The following MCTP2 variants were observed in gnomAD, a reference collection of about 807,000 sequenced individuals.
MCTP2 encodes the protein multiple C2 and transmembrane domain-containing protein 2.
Under a neutral mutation model 111.6 loss-of-function variants are expected in MCTP2, and 132 were observed. The ratio of observed to expected loss-of-function variants is 1.18; its 90% CI spans 1.03 to 1.37. MCTP2 has a LOEUF of 1.37. Among genes scored for constraint, MCTP2 ranks in the 40% most tolerant of loss-of-function variants. The pLI is 0.00. For synonymous variants in MCTP2, 395 were observed against 387.7 expected, an observed-to-expected ratio of 1.02 and a Z score of -0.22; for missense variants, 1,183 against 1,067.9, an observed-to-expected ratio of 1.11 and a Z score of -1.50.
At position 94,314,624 on chromosome 15, in the gene MCTP2, C is replaced by T. The variant is rs1596334294; in HGVS notation, c.528+280C>T. The T allele has an allele frequency of 2.5e-5, 13 of 525,612 alleles. No homozygotes were observed. The East Asian group carries it at 5.0e-4, about 20-fold the overall frequency. The allele number at this position is 525,612 out of a possible 1,614,324, so 32.6% of individuals were successfully genotyped here. ...AAAGCCAGTTTGAAGTGCTTTGAAA[C>T]TTTCAAAAGAAGGCTGTCAAGGGTG... On this transcript the variant is annotated intron_variant, in intron 3 of 22. Transcript: ENST00000357742.
chr15:94,324,133 C>A (rs1224039024), intron 4 of MCTP2, among the ~76,000 whole-genome samples: 1 of 152,184 alleles, frequency 6.6e-6, no homozygotes, highest in Admixed American at 6.5e-5. Flanking sequence ...AACCCTGGGT[C>A]CATTTCCCAT....
intron 20 of MCTP2, among the ~76,000 whole-genome samples, chr15:94,468,679 G>A (rs2073632832): frequency 6.6e-6 from 1 of 152,162 alleles, no homozygotes; most frequent in Admixed American, 6.5e-5. Context: ...CTGTTGCCCA[G>A]GCTGGAGTGC....
At chr15:94,232,519 A>G (rs2070253180) in intron 1 of MCTP2, among the ~76,000 whole-genome samples, 1 of 152,184 alleles carries the variant, frequency 6.6e-6, no homozygotes. Flanking sequence ...ATGGATTATA[A>G]TTTACATTAG....
chr15:94,417,756 C>G (rs2082440514), intron 17 of MCTP2, among the ~76,000 whole-genome samples: 1 of 152,076 alleles, frequency 6.6e-6, no homozygotes, highest in Admixed American at 6.6e-5. Context: ...GGTAGTCTAT[C>G]TGAGTAACGG....
Position 94,345,121 on chromosome 15 carries a change from A to G in MCTP2, c.970-8A>G, listed in dbSNP as rs774184065. ...CATTTTCACCATTCCGCGGACACAA[A>G]TCTTTAGCGTTGGTCAAATCGGAAG... is the stretch of plus-strand genomic sequence containing the variant. On this transcript the variant is annotated splice_polypyrimidine_tract_variant and splice_region_variant and intron_variant, in intron 7 of 22. Transcript: ENST00000357742. 2.5e-6 allele frequency: 4 copies of G among 1,612,328 alleles called. No homozygotes were observed. In the South Asian group the frequency reaches 4.4e-5, roughly 18 times the overall value.
chr15:94,275,731 C>T (rs1157166927), intron 1 of MCTP2, among the ~76,000 whole-genome samples: 1 of 151,612 alleles, frequency 6.6e-6, no homozygotes, highest in Non-Finnish European at 1.5e-5. Flanking sequence ...TTTAACCTTT[C>T]TTAAATCAAC....
At chr15:94,470,906 G>T (rs1006704198) in intron 21 of MCTP2, among the ~76,000 whole-genome samples, 2 of 152,150 alleles carry the variant, frequency 1.3e-5, no homozygotes, top group Non-Finnish European at 2.9e-5. Context: ...AAATCCAGAA[G>T]CAGGGAGAGG....
Position 94,481,447 on chromosome 15 carries a change from A to C in MCTP2, c.*2413A>C, listed in dbSNP as rs1417756199. On this transcript the variant is annotated 3_prime_UTR_variant, in exon 23 of 23. Coordinates refer to ENST00000357742, the MANE Select transcript of MCTP2 (RefSeq NM_001385001.1). ...CTAGTAGGTCCAGTGTCAATGCATTAACCACTTCTGTTCTGATTTCCACCA... is the reference window on the plus strand; with the variant it reads ...CTAGTAGGTCCAGTGTCAATGCATTCACCACTTCTGTTCTGATTTCCACCA... 1 of 152,166 alleles carries C rather than the reference A, an allele frequency of 6.6e-6. No individual in the cohort carries two copies. Among genetic ancestry groups the C allele is most frequent in the East Asian group, 1.9e-4 (1 of 5,190 alleles). The allele number at this position is 152,166 out of a possible 1,614,324, so 9.4% of individuals were successfully genotyped here.
chr15:94,444,272 C>T (rs1448699949), intron 19 of MCTP2, among the ~76,000 whole-genome samples: 2 of 152,240 alleles, frequency 1.3e-5, no homozygotes, highest in African/African-American at 4.8e-5. Flanking sequence ...CTTCCACGCC[C>T]TCTCTGGGCA....
intron 1 of MCTP2, among the ~76,000 whole-genome samples, chr15:94,246,264 C>T (rs1368522627): frequency 1.3e-5 from 2 of 152,112 alleles, no homozygotes; most frequent in Admixed American, 6.5e-5. Flanking sequence ...GGAGCTGAGC[C>T]AATGGTCCTG....
At chr15:94,248,451 C>T (rs984872606) in intron 1 of MCTP2, among the ~76,000 whole-genome samples, 1 of 152,174 alleles carries the variant, frequency 6.6e-6, no homozygotes, top group Non-Finnish European at 1.5e-5. Context: ...GAACTTTGCT[C>T]CCAATGAGAG....
rs1367841377 is a variant in MCTP2, at chr15:94,243,111, G to A, written c.-66+11447G>A. ...TATACGTGTATATGTGTATCTACGG[G>A]TGTGTATATATGTATCTACGGGTGT... On this transcript the variant is annotated intron_variant, in intron 1 of 22. Coordinates refer to ENST00000357742, the MANE Select transcript of MCTP2 (RefSeq NM_001385001.1). Among the ~76,000 whole-genome samples the A allele has an allele frequency of 2.8e-5, 4 of 141,528 alleles. 1 individual carries two copies. The South Asian group carries it at 6.7e-4, about 24-fold the overall frequency. The allele number at this position is 141,528 out of a possible 152,430, so 92.8% of individuals were successfully genotyped here.
At chr15:94,251,288 C>T (rs2152267619) in intron 1 of MCTP2, among the ~76,000 whole-genome samples, 1 of 152,198 alleles carries the variant, frequency 6.6e-6, no homozygotes, top group East Asian at 1.9e-4. Flanking sequence ...TCCAACTTGG[C>T]TTAAAATTAA....
At chr15:94,470,219 A>AAT (rs1343990888) in intron 20 of MCTP2, 114 bp from the exon 21 acceptor site, 4 of 779,740 alleles carry the variant, frequency 5.1e-6, no homozygotes, top group Admixed American at 2.5e-5. Context: ...AAATTTTTCC[A>AAT]ATAGACTGTA....
intron 17 of MCTP2, among the ~76,000 whole-genome samples, chr15:94,412,244 T>C (rs2082184726): frequency 6.6e-6 from 1 of 152,152 alleles, no homozygotes; most frequent in South Asian, 2.1e-4. Context: ...ATTACGGTTT[T>C]AGTTCTTGAG....
chr15:94,344,072 A>C (rs979009383), intron 7 of MCTP2: 18 of 152,082 alleles, frequency 1.2e-4, no homozygotes, highest in Admixed American at 3.9e-4. Flanking sequence ...TACAAAAAAA[A>C]AAAACAAAAC....
intron 14 of MCTP2, among the ~76,000 whole-genome samples, chr15:94,392,968 C>T (rs1465132666): frequency 6.6e-6 from 1 of 151,946 alleles, no homozygotes; most frequent in African/African-American, 2.4e-5. Flanking sequence ...TATGAATTAA[C>T]AATTAAAAAT....
intron 17 of MCTP2, among the ~76,000 whole-genome samples, chr15:94,410,920 C>A (rs556878939): frequency 1.3e-5 from 2 of 152,316 alleles, no homozygotes; most frequent in South Asian, 4.1e-4. Flanking sequence ...GTCTGTTATG[C>A]ATTTTTCTGG....
chr15:94,245,795 C>A (rs2071945281), intron 1 of MCTP2, among the ~76,000 whole-genome samples: 1 of 150,664 alleles, frequency 6.6e-6, no homozygotes, highest in South Asian at 2.1e-4. Flanking sequence ...TCAATGGCTT[C>A]ATTGGAGCAC....
Sources: gnomAD v4.1 joint callset for allele counts (sites outside exome capture counted in the v4.1 genomes callset) on GRCh38, gnomAD v4.1.1 for gene constraint, MANE v1.5 for transcripts, NCBI Gene and HGNC (gene_info 2026-07-23, HGNC 2026-07-21) for gene names.